Variants in FBXO36 observed in about 807,000 individuals in gnomAD.
FBXO36 encodes F-box protein 36, also known as F-box only protein 36.
Under a neutral mutation model 17.0 loss-of-function variants are expected in FBXO36, and 18 were observed. The observed-to-expected ratio is 1.06, with a 90% CI of 0.73 to 1.57. FBXO36 has a LOEUF of 1.57. Among genes scored for constraint, FBXO36 ranks in the 40% most tolerant of loss-of-function variants. The probability of loss-of-function intolerance (pLI) is 0.00; values close to 1 mark genes in which losing one functional copy is unlikely to be tolerated. For missense variants in FBXO36, 229 were observed against 221.9 expected, an observed-to-expected ratio of 1.03 and a Z score of -0.20; for synonymous variants, 83 against 85.3, an observed-to-expected ratio of 0.97 and a Z score of 0.15.
chr2:230,003,695 G>A (rs1245264098), intron 3 of FBXO36, among the ~76,000 whole-genome samples: 1 of 152,078 alleles, frequency 6.6e-6, no homozygotes, highest in Non-Finnish European at 1.5e-5. Flanking sequence ...ACCACACCCG[G>A]CTAATTTTTA....
intron 3 of FBXO36, among the ~76,000 whole-genome samples, chr2:230,007,782 G>T (rs1290564830): frequency 6.6e-6 from 1 of 152,076 alleles, no homozygotes; most frequent in African/African-American, 2.4e-5. Flanking sequence ...TTTTAGTAGA[G>T]ACAGAGTTTC....
intron 1 of FBXO36, among the ~76,000 whole-genome samples, chr2:229,962,994 G>A (rs1406156905): frequency 6.6e-6 from 1 of 151,154 alleles, no homozygotes; most frequent in Non-Finnish European, 1.5e-5. Flanking sequence ...TCTTTTTTAG[G>A]GTAGCACATA....
At chr2:229,923,847 G>GTTTTTTTTTTTTTTTTTTTTTTT (rs71045800) in intron 1 of FBXO36, among the ~76,000 whole-genome samples, 1 of 77,708 alleles carries the variant, frequency 1.3e-5, no homozygotes, top group Non-Finnish European at 2.3e-5. Flanking sequence ...TTTTGGTGTT[G>GTTTTTTTTTTTTTTTTTTTTTTT]TTTTTTTTTT....
intron 1 of FBXO36, among the ~76,000 whole-genome samples, chr2:229,966,321 C>T (rs902864607): frequency 1.3e-5 from 2 of 152,130 alleles, no homozygotes; most frequent in African/African-American, 4.8e-5. Context: ...TTCTCCCGTT[C>T]TGTAGGTTGC....
At chr2:229,967,769 T>A (rs1046249001) in intron 1 of FBXO36, among the ~76,000 whole-genome samples, 9 of 152,178 alleles carry the variant, frequency 5.9e-5, no homozygotes, top group African/African-American at 1.9e-4. Flanking sequence ...TGCTGCTAGA[T>A]TCGGTTTGCC....
At chr2:229,980,404 A>C (rs1265969513) in intron 2 of FBXO36, among the ~76,000 whole-genome samples, 3 of 151,968 alleles carry the variant, frequency 2.0e-5, no homozygotes, top group Admixed American at 1.3e-4. Flanking sequence ...CCCCAGAGCT[A>C]TGTGTCTAGT....
intron 1 of FBXO36, among the ~76,000 whole-genome samples, chr2:229,950,167 C>G (rs547664594): frequency 6.6e-6 from 1 of 152,216 alleles, no homozygotes; most frequent in South Asian, 2.1e-4. Context: ...GTGGCTCATG[C>G]CTGTAATCCC....
intron 2 of FBXO36, among the ~76,000 whole-genome samples, chr2:229,985,435 G>A (rs761170129): frequency 6.6e-6 from 1 of 152,090 alleles, no homozygotes; most frequent in Non-Finnish European, 1.5e-5. Flanking sequence ...TTATACGTCA[G>A]CCTTTAACTT....
chr2:229,974,335 T>C lies in FBXO36; in HGVS notation c.97-1906T>C, dbSNP rs114001980. ...GTGTTATATTCTCAGTAATTTACTT[T>C]AAATACCTCGGAAGGGCCAGTGGGA... On this transcript the variant is annotated intron_variant, in intron 1 of 3. Transcript: ENST00000283946. Among the ~76,000 whole-genome samples, 825 of 152,254 alleles carry C rather than the reference T, an allele frequency of 5.4e-3. 4 individuals are homozygous for C. The highest frequency in any genetic ancestry group is 0.01 in the Middle Eastern group (3 of 294).
intron 2 of FBXO36, among the ~76,000 whole-genome samples, chr2:229,988,169 G>C (rs1182699384): frequency 2.6e-5 from 4 of 151,948 alleles, no homozygotes; most frequent in Admixed American, 1.3e-4. Flanking sequence ...TTAATATTTA[G>C]CTAAATTACA....
chr2:229,982,317 T>C (rs1048528310), intron 2 of FBXO36, among the ~76,000 whole-genome samples: 1 of 152,096 alleles, frequency 6.6e-6, no homozygotes, highest in African/African-American at 2.4e-5. Flanking sequence ...TGGGCCACTG[T>C]GCCCAGCCTC....
intron 1 of FBXO36, among the ~76,000 whole-genome samples, chr2:229,930,378 T>C (rs572524487): frequency 6.6e-6 from 1 of 152,300 alleles, no homozygotes; most frequent in Non-Finnish European, 1.5e-5. Flanking sequence ...CTCTGTTGTT[T>C]GTGTTGATTT....
intron 1 of FBXO36, among the ~76,000 whole-genome samples, chr2:229,962,747 G>C (rs970860786): frequency 6.7e-6 from 1 of 148,710 alleles, no homozygotes; most frequent in Non-Finnish European, 1.5e-5. Flanking sequence ...GTGCGATCTC[G>C]GCTCACTTCA....
chr2:229,969,547 G>T (rs1171985565), intron 1 of FBXO36, among the ~76,000 whole-genome samples: 1 of 152,112 alleles, frequency 6.6e-6, no homozygotes, highest in African/African-American at 2.4e-5. Flanking sequence ...AATTAGCCGG[G>T]CGTGGTGGCA....
intron 1 of FBXO36, among the ~76,000 whole-genome samples, chr2:229,949,413 T>C (rs1196688403): frequency 2.6e-5 from 4 of 152,134 alleles, no homozygotes; most frequent in African/African-American, 9.7e-5. Context: ...AAAGGAACAC[T>C]GTGAAGCCAC....
chr2:229,926,990 C>G (rs544165030), intron 1 of FBXO36, among the ~76,000 whole-genome samples: 1 of 151,754 alleles, frequency 6.6e-6, no homozygotes, highest in South Asian at 2.1e-4. Flanking sequence ...CTCCTGAGTA[C>G]CTGGGATTAC....
chr2:229,956,655 G>A (rs182190153), intron 1 of FBXO36, among the ~76,000 whole-genome samples: 4 of 152,238 alleles, frequency 2.6e-5, no homozygotes, highest in Admixed American at 1.3e-4. Flanking sequence ...CCTACATGAT[G>A]GGATTCTTGT....
At chr2:229,940,926 T>A (rs2106162542) in intron 1 of FBXO36, among the ~76,000 whole-genome samples, 1 of 152,290 alleles carries the variant, frequency 6.6e-6, no homozygotes, top group Non-Finnish European at 1.5e-5. Flanking sequence ...GCCCACCTAC[T>A]TGATTCGCCT....
intron 1 of FBXO36, among the ~76,000 whole-genome samples, chr2:229,934,130 G>A (rs969543713): frequency 1.3e-5 from 2 of 152,100 alleles, no homozygotes; most frequent in Admixed American, 6.6e-5. Context: ...AGCCGGGTGC[G>A]GTGGCTCACG....
Sources: gnomAD v4.1 joint callset for allele counts (sites outside exome capture counted in the v4.1 genomes callset) on GRCh38, gnomAD v4.1.1 for gene constraint, MANE v1.5 for transcripts, NCBI Gene and HGNC (gene_info 2026-07-23, HGNC 2026-07-21) for gene names.